TUT7: variants seen among roughly 807,000 people sequenced by gnomAD.
The protein encoded by TUT7 is terminal uridylyltransferase 7.
Under a neutral mutation model 165.9 loss-of-function variants are expected in TUT7, and 33 were observed. The ratio of observed to expected loss-of-function variants is 0.20; its 90% confidence interval spans 0.15 to 0.27. TUT7 has a LOEUF of 0.27. Among genes scored for constraint, TUT7 ranks in the 10% least tolerant of loss-of-function variants. The pLI is 1.00. For synonymous variants in TUT7, 552 were observed against 608.1 expected (o/e 0.91, Z 1.36); for missense variants, 1,338 against 1,762.3 (o/e 0.76, Z 4.31).
At chr9:86,298,529 G>A (rs1729058319) in intron 26 of TUT7, among the ~76,000 whole-genome samples, 1 of 152,150 alleles carries the variant, frequency 6.6e-6, no homozygotes. Flanking sequence ...ACTCATGGGT[G>A]GTATAAACAT....
intron 14 of TUT7, among the ~76,000 whole-genome samples, chr9:86,321,727 T>TCTC (rs1485173470): frequency 1.3e-5 from 2 of 152,144 alleles, no homozygotes; most frequent in Non-Finnish European, 2.9e-5. Flanking sequence ...AGACCCTGTC[T>TCTC]CACCATCACC....
Position 86,319,687 on chromosome 9 carries a change from A to G in TUT7, c.3029-17T>C. ...AAAAATCCTCTGTTTAAAAATAAAT[A>G]GACATATTGACAAAATAAGCCGGTT... On this transcript the variant is annotated splice_polypyrimidine_tract_variant and intron_variant, in intron 14 of 26. Coordinates refer to ENST00000375963, the MANE Select transcript of TUT7 (RefSeq NM_024617.4). 1 of 1,545,346 alleles carries G rather than the reference A, an allele frequency of 6.5e-7. No homozygotes were observed. The highest frequency in any genetic ancestry group is 8.8e-7 in the Non-Finnish European group (1 of 1,130,738).
chr9:86,346,277 A>T (rs755056591), intron 3 of TUT7, 22 bp downstream of exon 3: 2 of 1,596,912 alleles, frequency 1.3e-6, no homozygotes, highest in Non-Finnish European at 1.7e-6. Context: ...CTAACCAACA[A>T]ATATATATAT....
At chr9:86,291,137 T>C (rs1301306563) in intron 26 of TUT7, among the ~76,000 whole-genome samples, 1 of 152,090 alleles carries the variant, frequency 6.6e-6, no homozygotes, top group African/African-American at 2.4e-5. Context: ...ACAGAAGATA[T>C]ACTGCAGGTA....
intron 26 of TUT7, among the ~76,000 whole-genome samples, chr9:86,296,902 A>C (rs182711239): frequency 6.6e-6 from 1 of 152,248 alleles, no homozygotes; most frequent in Non-Finnish European, 1.5e-5. Flanking sequence ...CTAGACAGTT[A>C]TATCATCTGA....
intron 16 of TUT7, among the ~76,000 whole-genome samples, chr9:86,318,164 A>G (rs924581720): frequency 4.6e-5 from 7 of 152,244 alleles, no homozygotes; most frequent in Non-Finnish European, 2.9e-5. Context: ...TTAAGGATTT[A>G]AAAGAATAGG....
At chr9:86,313,966 A>AG in intron 17 of TUT7, among the ~76,000 whole-genome samples, 1 of 152,308 alleles carries the variant, frequency 6.6e-6, no homozygotes, top group East Asian at 1.9e-4. Context: ...TGATGGGGAA[A>AG]GGGGGCAAGG....
chr9:86,332,362 A>G (rs1830398981), intron 10 of TUT7, among the ~76,000 whole-genome samples: 1 of 152,204 alleles, frequency 6.6e-6, no homozygotes, highest in South Asian at 2.1e-4. Context: ...GCAGCCATAA[A>G]AAAACCCAAG....
At chr9:86,292,519 T>G (rs1472290870) in intron 26 of TUT7, among the ~76,000 whole-genome samples, 1 of 151,446 alleles carries the variant, frequency 6.6e-6, no homozygotes, top group African/African-American at 2.4e-5. Context: ...TAATGGATGT[T>G]TCTAGGGTTG....
At chr9:86,294,915 C>G (rs1050653167) in intron 26 of TUT7, among the ~76,000 whole-genome samples, 1 of 150,784 alleles carries the variant, frequency 6.6e-6, no homozygotes, top group African/African-American at 2.4e-5. Flanking sequence ...TTGTTTTGAT[C>G]AATTATATAT....
intron 9 of TUT7, among the ~76,000 whole-genome samples, chr9:86,337,965 G>A (rs1013457256): frequency 5.3e-5 from 8 of 152,082 alleles, no homozygotes; most frequent in African/African-American, 1.9e-4. Flanking sequence ...AGATTGGCGT[G>A]GGGAGAGAAC....
intron 25 of TUT7, 175 bp from the exon 26 acceptor site, chr9:86,301,776 C>G (rs965607739): frequency 1.0e-6 from 1 of 985,242 alleles, no homozygotes; most frequent in African/African-American, 1.7e-5. Flanking sequence ...AAGATGCTCC[C>G]TCAGGGTTTA....
intron 10 of TUT7, among the ~76,000 whole-genome samples, chr9:86,329,628 T>C (rs1830121074): frequency 6.6e-6 from 1 of 152,316 alleles, no homozygotes; most frequent in Non-Finnish European, 1.5e-5. Flanking sequence ...TGTATTTTTA[T>C]ACCAAATGGG....
Position 86,322,309 on chromosome 9 carries a change from A to T in TUT7, c.3028+16T>A. The T allele has an allele frequency of 1.2e-6, 2 of 1,603,480 alleles. No homozygotes were observed. The highest frequency in any genetic ancestry group is 1.7e-6 in the Non-Finnish European group (2 of 1,174,494). On this transcript the variant is annotated intron_variant, in intron 14 of 26. Coordinates refer to ENST00000375963, the MANE Select transcript of TUT7 (RefSeq NM_024617.4). ...TTTAATATTTTGACAAATCAAAAGA[A>T]ATGTGAATAACTTACTATAACACTG...
Position 86,328,322 on chromosome 9 carries a change from AAAC to A in TUT7, c.1608+15_1608+17del. The A allele has an allele frequency of 6.4e-7, 1 of 1,552,186 alleles. No homozygotes were observed. Among genetic ancestry groups the A allele is most frequent in the Non-Finnish European group, 8.7e-7 (1 of 1,152,470 alleles). Reference sequence around the variant, plus strand: ...ATTGGCAAGTGAAACTGACAACTAGAAACAAAAGAGAACAGACCTGTCCCCTTT... The same window carrying A: ...ATTGGCAAGTGAAACTGACAACTAGAAAAAGAGAACAGACCTGTCCCCTTT... On this transcript the variant is annotated intron_variant, in intron 11 of 26. Coordinates refer to ENST00000375963, the MANE Select transcript of TUT7 (RefSeq NM_024617.4).
In TUT7 at chr9:86,294,627, G is replaced by A. The variant is rs1028176671; in HGVS notation, c.4421-5883C>T. Among the ~76,000 whole-genome samples the A allele has an allele frequency of 7.3e-5, 11 of 151,586 alleles. No homozygotes were observed. In the East Asian group the frequency reaches 1.9e-3, roughly 27 times the overall value. ...ATAGAAAAGGAACAGTTTCATTCACGCAGTAAATAATGTCGACCCAAAGAT... is the reference window on the plus strand; with the variant it reads ...ATAGAAAAGGAACAGTTTCATTCACACAGTAAATAATGTCGACCCAAAGAT... On this transcript the variant is annotated intron_variant, in intron 26 of 26. Transcript: ENST00000375963.
At chr9:86,304,978 G>A (rs371135324) in intron 23 of TUT7, 31 bp from the exon 24 acceptor site, 48 of 1,474,228 alleles carry the variant, frequency 3.3e-5, no homozygotes, top group African/African-American at 5.6e-5. Context: ...TCACTTAGGC[G>A]GGTTAAAAGG....
At chr9:86,326,136 G>T (rs1229883545) in intron 11 of TUT7, among the ~76,000 whole-genome samples, 1 of 152,138 alleles carries the variant, frequency 6.6e-6, no homozygotes, top group Non-Finnish European at 1.5e-5. Context: ...GAAAATATGG[G>T]CCCAAATAGA....
At position 86,309,226 on chromosome 9, in the gene TUT7, G is replaced by T; in HGVS notation, c.3646C>A (p.Gln1216Lys). Residue 1216 changes from glutamine (Q) to lysine (K), a missense_variant, in exon 21 of 27, where the codon CAA becomes AAA. Physicochemically the swap from Gln to Lys is moderately conservative, Grantham distance 53 (BLOSUM62 1). Coordinates refer to ENST00000375963, the MANE Select transcript of TUT7 (RefSeq NM_024617.4). The stretch of plus-strand genomic sequence containing the variant: ...AAAATACGTACCAGTTCATCTATTT[G>T]ATCAAAAAAATAAATATTCCAGCCA... ...VDGWNIYFFD[Q>K]IDELPTYWSE... is the part of the protein sequence containing the mutation. The T allele has an allele frequency of 6.4e-7, 1 of 1,569,800 alleles. No homozygotes were observed. Among genetic ancestry groups the T allele is most frequent in the South Asian group, 1.1e-5 (1 of 88,642 alleles).
Sources: allele counts gnomAD v4.1 joint callset (sites outside exome capture counted in the v4.1 genomes callset), GRCh38; gene constraint gnomAD v4.1.1; transcripts MANE v1.5; gene names NCBI Gene and HGNC (gene_info 2026-07-23, HGNC 2026-07-21).